Variants in TIA1 observed in about 807,000 individuals in gnomAD.
The protein encoded by TIA1 is cytotoxic granule associated RNA binding protein TIA1.
Under a neutral mutation model 65.9 loss-of-function variants are expected in TIA1, and 23 were observed. The observed-to-expected ratio is 0.35, with a 90% CI of 0.25 to 0.49. The LOEUF (loss-of-function observed/expected upper bound fraction) is 0.49. Ranked by LOEUF, TIA1 falls within the 20% of genes least tolerant of loss-of-function variation. The pLI, the probability that TIA1 is intolerant of heterozygous loss-of-function variation, is 0.98. For missense variants in TIA1, 371 were observed against 477.9 expected, an observed-to-expected ratio of 0.78 and a Z score of 2.09; for synonymous variants, 147 against 149.4, an observed-to-expected ratio of 0.98 and a Z score of 0.12.
chr2:70,222,810 A>C (rs1177039499), intron 7 of TIA1, among the ~76,000 whole-genome samples: 2 of 152,192 alleles, frequency 1.3e-5, no homozygotes, highest in Admixed American at 6.5e-5. Context: ...GCTACTTGGG[A>C]GGCTGAGGCA....
At chr2:70,215,978 A>C in intron 10 of TIA1, 7 of 478,110 alleles carry the variant, frequency 1.5e-5, no homozygotes, top group Middle Eastern at 5.6e-4. Flanking sequence ...CTGGTCTCAA[A>C]CTCATGACGG....
Position 70,248,574 on chromosome 2 carries a change from A to G in TIA1, c.-144T>C. Reference sequence around the variant, plus strand: ...TCCGCCTCCTCCTCCGGCGGCAATTACACTAAACCGCCCGGCCCAGCGGGA... The same window carrying G: ...TCCGCCTCCTCCTCCGGCGGCAATTGCACTAAACCGCCCGGCCCAGCGGGA... On this transcript the variant is annotated 5_prime_UTR_variant, in exon 1 of 13. Coordinates refer to ENST00000433529, the MANE Select transcript of TIA1 (RefSeq NM_022173.4). The G allele has an allele frequency of 8.4e-7, 1 of 1,195,590 alleles. No homozygotes were observed. The highest frequency in any genetic ancestry group is 1.2e-6 in the Non-Finnish European group (1 of 833,816). The allele number at this position is 1,195,590 out of a possible 1,614,324, so 74.1% of individuals were successfully genotyped here.
Position 70,212,660 on chromosome 2 carries a change from C to A in TIA1, c.*59G>T. ...ATTTGATAAATCTTTAAGTAAACAA[C>A]GGCTTTACTACACTCCCTGTAGCCT... On this transcript the variant is annotated 3_prime_UTR_variant, in exon 13 of 13. Transcript: ENST00000433529. 1.0e-6 allele frequency: 1 copy of A among 1,002,746 alleles called. No individual in the cohort carries two copies. The highest frequency in any genetic ancestry group is 1.3e-5 in the South Asian group (1 of 77,542). 62.1% of individuals were successfully genotyped at this position (1,002,746 alleles called of 1,614,324 possible).
rs770958128 is a variant in TIA1 at position 70,214,390 on chromosome 2, T to C, written c.993A>G (p.Ala331=). The change falls in exon 12 of 13, where the codon GCA becomes GCG. Residue 331 remains alanine, a synonymous_variant. Transcript: ENST00000433529. ...QYMPNGWQVP[A]YGMYGQAWNQ... is the part of the protein sequence containing the mutation. Reference sequence around the variant, plus strand: ...TCCATGCCTGGCCATACATTCCATATGCAGGAACTTGCCAACCATTAGGCA... The same window carrying C: ...TCCATGCCTGGCCATACATTCCATACGCAGGAACTTGCCAACCATTAGGCA... 2 of 1,613,982 alleles carry C rather than the reference T, an allele frequency of 1.2e-6. No individual in the cohort carries two copies. Among genetic ancestry groups the C allele is most frequent in the South Asian group, 1.1e-5 (1 of 91,060 alleles).
intron 1 of TIA1, 90 bp downstream of exon 1, chr2:70,248,315 G>T: frequency 6.9e-7 from 1 of 1,440,478 alleles, no homozygotes; most frequent in East Asian, 2.3e-5. Flanking sequence ...GGTGTCCACG[G>T]AGAACAATAG....
intron 1 of TIA1, among the ~76,000 whole-genome samples, chr2:70,242,120 C>A (rs1040148012): frequency 1.3e-5 from 2 of 152,026 alleles, no homozygotes; most frequent in Admixed American, 1.3e-4. Flanking sequence ...TTAAGGGATG[C>A]TAGATGAAGG....
At chr2:70,246,591 A>G (rs1000132739) in intron 1 of TIA1, among the ~76,000 whole-genome samples, 1 of 152,186 alleles carries the variant, frequency 6.6e-6, no homozygotes, top group African/African-American at 2.4e-5. Context: ...GTAATAGTTA[A>G]AAGTTGAGGA....
intron 1 of TIA1, among the ~76,000 whole-genome samples, chr2:70,240,816 G>C (rs940246547): frequency 1.8e-4 from 28 of 152,046 alleles, no homozygotes; most frequent in African/African-American, 6.8e-4. Flanking sequence ...ACATTGCAGT[G>C]AGCTCATATT....
intron 1 of TIA1, among the ~76,000 whole-genome samples, chr2:70,242,232 A>G (rs957124461): frequency 3.3e-5 from 5 of 152,034 alleles, no homozygotes; most frequent in African/African-American, 9.7e-5. Context: ...TCTTGTGCCT[A>G]TAAGAAATTT....
intron 7 of TIA1, 63 bp downstream of exon 7, chr2:70,224,491 A>G: frequency 6.2e-7 from 1 of 1,602,340 alleles, no homozygotes; most frequent in African/African-American, 1.3e-5. Flanking sequence ...ATTAGTAATT[A>G]AAACGGAGTG....
chr2:70,224,121 T>C (rs961391024), intron 7 of TIA1, among the ~76,000 whole-genome samples: 1 of 152,040 alleles, frequency 6.6e-6, no homozygotes, highest in African/African-American at 2.4e-5. Flanking sequence ...TTTCACCAGG[T>C]TGACCTGGCT....
intron 2 of TIA1, among the ~76,000 whole-genome samples, chr2:70,232,052 A>G (rs952309445): frequency 4.4e-4 from 66 of 151,660 alleles, no homozygotes; most frequent in African/African-American, 1.6e-3. Context: ...AATACAAAAA[A>G]TTAGCCGGGC....
chr2:70,217,034 T>G (rs575453331), intron 7 of TIA1, 40 bp from the exon 8 acceptor site: 1 of 1,562,010 alleles, frequency 6.4e-7, no homozygotes, highest in Non-Finnish European at 8.6e-7. Flanking sequence ...GAAGTCACTA[T>G]TAGTTGATGT....
Position 70,216,309 on chromosome 2 carries a change from CA to C in TIA1, c.680-18del. The C allele has an allele frequency of 6.3e-7, 1 of 1,580,282 alleles. No individual in the cohort carries two copies. Among genetic ancestry groups the C allele is most frequent in the Non-Finnish European group, 8.6e-7 (1 of 1,167,872 alleles). The stretch of plus-strand genomic sequence containing the variant: ...TTAGTTGTTCTGTTAGACAAAAAAC[CA>C]AAACAAACAAATCACACTAAGTTAT... On this transcript the variant is annotated intron_variant, in intron 9 of 12. Transcript: ENST00000433529.
At chr2:70,212,983 G>T in intron 12 of TIA1, 138 bp from the exon 13 acceptor site, 1 of 610,294 alleles carries the variant, frequency 1.6e-6, no homozygotes, top group Non-Finnish European at 2.9e-6. Context: ...AATAATTTAT[G>T]CTAGGGAAAA....
intron 1 of TIA1, 32 bp downstream of exon 1, chr2:70,248,373 T>G (rs372266391): frequency 8.8e-6 from 14 of 1,596,804 alleles, no homozygotes; most frequent in Non-Finnish European, 1.2e-5. Context: ...ACGACCACCA[T>G]CCCGCCTCCC....
chr2:70,230,011 G>A (rs1685476652), intron 3 of TIA1, among the ~76,000 whole-genome samples: 1 of 151,534 alleles, frequency 6.6e-6, no homozygotes, highest in South Asian at 2.1e-4. Context: ...GGCCGAGACG[G>A]GCAGATCGGA....
At chr2:70,240,925 A>G (rs1022002644) in intron 1 of TIA1, among the ~76,000 whole-genome samples, 1 of 152,106 alleles carries the variant, frequency 6.6e-6, no homozygotes, top group African/African-American at 2.4e-5. Context: ...AACCAAATAC[A>G]ATCAATAATG....
intron 5 of TIA1, 95 bp downstream of exon 5, chr2:70,228,963 CG>C: frequency 1.7e-5 from 4 of 230,660 alleles, no homozygotes; most frequent in Admixed American, 1.3e-4. Flanking sequence ...TATCTCCTCC[CG>C]CCCCCCTCCC....
Sources: gnomAD v4.1 joint callset for allele counts (sites outside exome capture counted in the v4.1 genomes callset) on GRCh38, gnomAD v4.1.1 for gene constraint, MANE v1.5 for transcripts, NCBI Gene and HGNC (gene_info 2026-07-23, HGNC 2026-07-21) for gene names.